The following MRPS35 variants were observed in gnomAD, a reference collection of about 807,000 sequenced individuals.
The protein encoded by MRPS35 is mitochondrial ribosomal protein S35, also known as small ribosomal subunit protein mS35.
MRPS35 carries 29 observed loss-of-function variants against 32.7 expected under a neutral mutation model. The ratio of observed to expected loss-of-function variants is 0.89; its 90% CI spans 0.66 to 1.21. MRPS35 has a LOEUF of 1.21. MRPS35 is among the 50% of genes most tolerant of loss of function. The probability of loss-of-function intolerance (pLI) is 0.00; values close to 1 mark genes in which losing one functional copy is unlikely to be tolerated. For missense variants in MRPS35, 373 were observed against 383.8 expected, an observed-to-expected ratio of 0.97 and a Z score of 0.23; for synonymous variants, 148 against 139.3, an observed-to-expected ratio of 1.06 and a Z score of -0.44.
intron 1 of MRPS35, 116 bp downstream of exon 1, chr12:27,711,071 C>A: frequency 1.1e-6 from 1 of 888,426 alleles, no homozygotes; most frequent in Non-Finnish European, 1.8e-6. Flanking sequence ...GCCAGTGCGT[C>A]CGCTGCCAGG....
Position 27,716,421 on chromosome 12 carries a change from TGCC to T in MRPS35, c.285_287del (p.Pro96del), listed in dbSNP as rs776037068. On this transcript the variant is annotated inframe_deletion, in exon 3 of 8. Transcript: ENST00000081029. ...ATGGGTTATCCAGTAAAAAAGGGCGTGCCCATGGCAAAGGAGGGAAATCTAGAA... is the reference window on the plus strand; with the variant it reads ...ATGGGTTATCCAGTAAAAAAGGGCGTCATGGCAAAGGAGGGAAATCTAGAA... 1 of 1,614,138 alleles carries T rather than the reference TGCC, an allele frequency of 6.2e-7. No individual in the cohort carries two copies.
At chr12:27,743,613 G>C (rs185373192) in intron 7 of MRPS35, among the ~76,000 whole-genome samples, 132 of 152,280 alleles carry the variant, frequency 8.7e-4, no homozygotes, top group African/African-American at 3.0e-3. Flanking sequence ...AATAAATCGT[G>C]GGGAAACCAT....
At chr12:27,737,496 T>C in intron 6 of MRPS35, 43 bp from the exon 7 acceptor site, 2 of 1,531,670 alleles carry the variant, frequency 1.3e-6, no homozygotes, top group Non-Finnish European at 1.8e-6. Context: ...TTCTGTGTAC[T>C]GAGTTTTTAG....
chr12:27,722,005 G>A (rs1020206352), intron 4 of MRPS35, among the ~76,000 whole-genome samples: 3 of 152,172 alleles, frequency 2.0e-5, no homozygotes, highest in Admixed American at 1.3e-4. Context: ...GGACGACAGA[G>A]TGAGACCCTG....
At chr12:27,726,255 A>G (rs1231251404) in intron 5 of MRPS35, among the ~76,000 whole-genome samples, 1 of 152,072 alleles carries the variant, frequency 6.6e-6, no homozygotes, top group Non-Finnish European at 1.5e-5. Context: ...CAGAAATGGA[A>G]CCATGCAATA....
intron 7 of MRPS35, among the ~76,000 whole-genome samples, chr12:27,745,632 A>G (rs1022072148): frequency 6.6e-6 from 1 of 151,676 alleles, no homozygotes; most frequent in African/African-American, 2.4e-5. Flanking sequence ...GGTTAGTTAC[A>G]TATTTATACA....
intron 6 of MRPS35, among the ~76,000 whole-genome samples, chr12:27,737,328 A>T (rs2061946394): frequency 6.6e-6 from 1 of 152,256 alleles, no homozygotes; most frequent in South Asian, 2.1e-4. Flanking sequence ...AAACAAAGAG[A>T]TACTCGAAAT....
intron 7 of MRPS35, among the ~76,000 whole-genome samples, chr12:27,750,639 C>CA (rs35145529): frequency 4.0e-5 from 6 of 151,554 alleles, no homozygotes; most frequent in Non-Finnish European, 7.4e-5. Context: ...CCCGTCTCTA[C>CA]AAAAAAAATG....
chr12:27,751,871 C>T (rs947989406), intron 7 of MRPS35, among the ~76,000 whole-genome samples: 2 of 152,222 alleles, frequency 1.3e-5, no homozygotes, highest in African/African-American at 2.4e-5. Context: ...ACGCCAAACT[C>T]GCTGAGTCAT....
At chr12:27,754,595 C>T (rs1175410603) in intron 7 of MRPS35, among the ~76,000 whole-genome samples, 3 of 151,502 alleles carry the variant, frequency 2.0e-5, no homozygotes, top group African/African-American at 7.3e-5. Flanking sequence ...GGCAAAACAC[C>T]ATCTCTACAA....
intron 1 of MRPS35, among the ~76,000 whole-genome samples, chr12:27,714,143 C>T (rs979116772): frequency 6.0e-5 from 9 of 150,416 alleles, no homozygotes; most frequent in Admixed American, 2.0e-4. Context: ...AACTAATTGA[C>T]TAGGTTTCGT....
intron 1 of MRPS35, among the ~76,000 whole-genome samples, chr12:27,714,363 A>C (rs916164007): frequency 2.0e-5 from 3 of 152,100 alleles, no homozygotes; most frequent in Admixed American, 6.6e-5. Flanking sequence ...AGGCAGGCGG[A>C]TCACTTCAGG....
At chr12:27,748,193 C>CG (rs1183008907) in intron 7 of MRPS35, among the ~76,000 whole-genome samples, 2 of 152,208 alleles carry the variant, frequency 1.3e-5, no homozygotes, top group Non-Finnish European at 2.9e-5. Flanking sequence ...TTCTCCTCTA[C>CG]GGGGATCACA....
chr12:27,754,169 G>A (rs1445414898), intron 7 of MRPS35, among the ~76,000 whole-genome samples: 4 of 151,620 alleles, frequency 2.6e-5, no homozygotes, highest in African/African-American at 7.3e-5. Flanking sequence ...CAAGAGAATC[G>A]CTTGAATCCA....
chr12:27,741,092 C>T (rs764326325), intron 7 of MRPS35, among the ~76,000 whole-genome samples: 6 of 151,780 alleles, frequency 4.0e-5, no homozygotes, highest in South Asian at 2.1e-4. Context: ...CGCTTGAACC[C>T]GGGAGTCGGA....
intron 1 of MRPS35, among the ~76,000 whole-genome samples, chr12:27,713,623 C>G (rs1473352382): frequency 2.0e-5 from 3 of 152,088 alleles, no homozygotes; most frequent in Non-Finnish European, 2.9e-5. Context: ...TTTGTTCTTT[C>G]TGTGCCCTCA....
chr12:27,718,268 T>C (rs1298750990), intron 3 of MRPS35, among the ~76,000 whole-genome samples: 1 of 151,980 alleles, frequency 6.6e-6, no homozygotes, highest in African/African-American at 2.4e-5. Flanking sequence ...CTACTAAAAC[T>C]ACAAAAAAAT....
Position 27,720,815 on chromosome 12 carries a change from TCTC to T in MRPS35, c.382+950_382+952del, listed in dbSNP as rs1395160790. On this transcript the variant is annotated intron_variant, in intron 4 of 7. Transcript: ENST00000081029. ...GATTTCATGTACTTACACTACTACTTCTCCTTCTCCTTCTTTCTACATGCATGG... is the reference window on the plus strand; with the variant it reads ...GATTTCATGTACTTACACTACTACTTCTTCTCCTTCTTTCTACATGCATGG... 6.1e-5 allele frequency among the ~76,000 whole-genome samples: 9 copies of T among 147,642 alleles called. No individual in the cohort carries two copies. The East Asian group carries it at 1.2e-3, about 19-fold the overall frequency.
chr12:27,752,804 C>T (rs950057962), intron 7 of MRPS35: 2 of 151,534 alleles, frequency 1.3e-5, no homozygotes, highest in African/African-American at 4.9e-5. Flanking sequence ...TTTTTTAATG[C>T]GCAGATTCAG....
Sources: gnomAD v4.1 joint callset for allele counts (sites outside exome capture counted in the v4.1 genomes callset) on GRCh38, gnomAD v4.1.1 for gene constraint, MANE v1.5 for transcripts, NCBI Gene and HGNC (gene_info 2026-07-23, HGNC 2026-07-21) for gene names.